The following ANKHD1 variants were observed in gnomAD, a reference collection of about 807,000 sequenced individuals.
ANKHD1 encodes ankyrin repeat and KH domain containing 1.
ANKHD1 carries 31 observed loss-of-function variants against 230.5 expected under a neutral mutation model. The ratio of observed to expected loss-of-function variants is 0.13; its 90% CI spans 0.10 to 0.18. The LOEUF (loss-of-function observed/expected upper bound fraction) is 0.18. Among genes scored for constraint, ANKHD1 ranks in the 10% least tolerant of loss-of-function variants. The pLI, the probability that ANKHD1 is intolerant of heterozygous loss-of-function variation, is 1.00. For synonymous variants in ANKHD1, 1,074 were observed against 1,117.6 expected, an observed-to-expected ratio of 0.96 and a Z score of 0.78; for missense variants, 2,256 against 3,071.3, an observed-to-expected ratio of 0.73 and a Z score of 6.27.
chr5:140,406,098 C>T (rs1770415509), intron 1 of ANKHD1, among the ~76,000 whole-genome samples: 1 of 151,942 alleles, frequency 6.6e-6, no homozygotes, highest in Admixed American at 6.6e-5. Flanking sequence ...ATTAGCCGGG[C>T]TTGGTGGAGG....
chr5:140,461,520 T>C, intron 9 of ANKHD1, among the ~76,000 whole-genome samples: 1 of 152,202 alleles, frequency 6.6e-6, no homozygotes, highest in African/African-American at 2.4e-5. Flanking sequence ...CTTTTTGTTA[T>C]GGCATTTTTT....
rs771171815 is a variant in ANKHD1 at position 140,529,511 on chromosome 5, T to A, written c.6565T>A (p.Ser2189Thr). The change falls in exon 29 of 34, where the codon TCT becomes ACT. Residue 2189 changes from serine to threonine, a missense_variant. Ser to Thr is a moderately conservative substitution (Grantham distance 58). Coordinates refer to ENST00000360839, the MANE Select transcript of ANKHD1 (RefSeq NM_017747.3). ...TTCAGCTGTGAACATTATGAATGGT[T>A]CTCAGATGCACATAAACCCAGCAAA... Reference protein sequence around the residue: ...LSSAVNIMNGSQMHINPANKS... With the variant: ...LSSAVNIMNGTQMHINPANKS... 2.5e-6 allele frequency: 4 copies of A among 1,614,206 alleles called. No homozygotes were observed. In the Admixed American group the frequency reaches 6.7e-5, roughly 27 times the overall value.
chr5:140,440,234 G>A lies in ANKHD1; in HGVS notation c.733G>A (p.Ala245Thr), dbSNP rs1461861412. The change falls in exon 4 of 34, where the codon GCT becomes ACT. Residue 245 changes from alanine to threonine, a missense_variant. Ala to Thr is a moderately conservative substitution (Grantham distance 58). Transcript: ENST00000360839. Reference protein sequence around the residue: ...TEEGESLLCLACSAGYYELAQ... With the variant: ...TEEGESLLCLTCSAGYYELAQ... ...AGAAGGAGAAAGCCTGCTGTGTTTG[G>A]CTTGTTCAGCAGGGTATTATGAATT... 6.2e-7 allele frequency: 1 copy of A among 1,613,038 alleles called. No individual in the cohort carries two copies. The highest frequency in any genetic ancestry group is 2.2e-5 in the East Asian group (1 of 44,782).
At chr5:140,467,407 T>A (rs1776168865) in intron 10 of ANKHD1, among the ~76,000 whole-genome samples, 1 of 152,180 alleles carries the variant, frequency 6.6e-6, no homozygotes, top group African/African-American at 2.4e-5. Context: ...CTTTTCCTCA[T>A]TATAAAAAGC....
chr5:140,427,526 G>A (rs1396833923), intron 1 of ANKHD1, among the ~76,000 whole-genome samples: 56 of 126,110 alleles, frequency 4.4e-4, no homozygotes, highest in African/African-American at 1.1e-3. Flanking sequence ...CCTCCCGGAC[G>A]GGGCGGCTGG....
intron 14 of ANKHD1, among the ~76,000 whole-genome samples, chr5:140,491,907 G>T (rs189983830): frequency 6.6e-6 from 1 of 152,276 alleles, no homozygotes; most frequent in Admixed American, 6.5e-5. Context: ...TTTGAAGGCA[G>T]AAGAAAATTC....
rs891597603 is a variant in ANKHD1, at chr5:140,458,538, C to T, written c.1243-87C>T. ...ATCTTGTCTTTTTTCTTCCTTTTTCCAATCTCTTGCTTTCTTCTCTCCCAC... is the reference window on the plus strand; with the variant it reads ...ATCTTGTCTTTTTTCTTCCTTTTTCTAATCTCTTGCTTTCTTCTCTCCCAC... On this transcript the variant is annotated intron_variant, in intron 7 of 33. Transcript: ENST00000360839. 3.6e-6 allele frequency: 5 copies of T among 1,378,642 alleles called. No individual in the cohort carries two copies. The African/African-American group carries it at 5.8e-5, about 16-fold the overall frequency. The allele number at this position is 1,378,642 out of a possible 1,614,324, so 85.4% of individuals were successfully genotyped here. A position where few individuals can be genotyped will look rare whatever the true frequency, so the allele number is the denominator to read the frequency against.
intron 6 of ANKHD1, among the ~76,000 whole-genome samples, chr5:140,447,623 G>C (rs965722094): frequency 1.3e-5 from 2 of 152,226 alleles, no homozygotes; most frequent in African/African-American, 4.8e-5. Context: ...TTGAGCAAGA[G>C]AGAAATTCAA....
Position 140,506,772 on chromosome 5 carries a change from T to G in ANKHD1, c.3409-63T>G. 1 of 1,584,606 alleles carries G rather than the reference T, an allele frequency of 6.3e-7. No homozygotes were observed. The highest frequency in any genetic ancestry group is 8.5e-7 in the Non-Finnish European group (1 of 1,172,382). Reference sequence around the variant, plus strand: ...GTTATAAGTCCTGTTTCTTTGTGTTTCCTTCATTATAAGTTGAGCCCTTGG... The same window carrying G: ...GTTATAAGTCCTGTTTCTTTGTGTTGCCTTCATTATAAGTTGAGCCCTTGG... On this transcript the variant is annotated intron_variant, in intron 18 of 33. Transcript: ENST00000360839. The surrounding 1 kb of genome is among the most constrained non-coding windows in gnomAD (Gnocchi z 4.7).
chr5:140,485,346 C>T lies in ANKHD1; in HGVS notation c.1998+98C>T. The T allele has an allele frequency of 6.9e-7, 1 of 1,458,844 alleles. No homozygotes were observed. Among genetic ancestry groups the T allele is most frequent in the Admixed American group, 2.5e-5 (1 of 40,230 alleles). 90.4% of individuals were successfully genotyped at this position (1,458,844 alleles called of 1,614,324 possible). A position where few individuals can be genotyped will look rare whatever the true frequency, so the allele number is the denominator to read the frequency against. On this transcript the variant is annotated intron_variant, in intron 12 of 33. Transcript: ENST00000360839. The surrounding 1 kb of genome is among the most constrained non-coding windows in gnomAD (Gnocchi z 4.8). ...CTGAGGCGGGTGGATCACTTGAGCC[C>T]AGGAGTTTGAGACTAGTCTAGGCAA...
intron 24 of ANKHD1, 46 bp from the exon 25 acceptor site, chr5:140,524,020 A>T: frequency 6.6e-7 from 1 of 1,523,954 alleles, no homozygotes; most frequent in Non-Finnish European, 8.7e-7. Flanking sequence ...TCTTTATTTT[A>T]CATTACTGCC....
chr5:140,406,566 T>A (rs1195259020), intron 1 of ANKHD1, among the ~76,000 whole-genome samples: 1 of 151,988 alleles, frequency 6.6e-6, no homozygotes, highest in Non-Finnish European at 1.5e-5. Flanking sequence ...AGTACATTTT[T>A]TTTTTTTTTT....
intron 17 of ANKHD1, 71 bp from the exon 18 acceptor site, chr5:140,505,653 A>G (rs972480192): frequency 4.0e-6 from 6 of 1,516,110 alleles, no homozygotes; most frequent in African/African-American, 2.8e-5. Context: ...AATACTAGAG[A>G]ATTGTAAACA....
At chr5:140,491,351 G>A (rs941380630) in intron 14 of ANKHD1, among the ~76,000 whole-genome samples, 1 of 151,012 alleles carries the variant, frequency 6.6e-6, no homozygotes, top group Non-Finnish European at 1.5e-5. Context: ...TTTTGGTAGA[G>A]ACAGGGTTTT....
intron 24 of ANKHD1, among the ~76,000 whole-genome samples, chr5:140,518,373 G>T (rs1753148906): frequency 6.6e-6 from 1 of 152,042 alleles, no homozygotes; most frequent in African/African-American, 2.4e-5. Flanking sequence ...GGAGGAGCTG[G>T]TACCATTCCT....
At chr5:140,402,865 A>G (rs1198104929) in intron 1 of ANKHD1, among the ~76,000 whole-genome samples, 5 of 152,058 alleles carry the variant, frequency 3.3e-5, no homozygotes, top group Non-Finnish European at 7.4e-5. Flanking sequence ...TAGACAGGAA[A>G]AGGAAGTTCC....
At chr5:140,537,672 A>G in intron 31 of ANKHD1, 83 bp downstream of exon 31, 2 of 1,456,368 alleles carry the variant, frequency 1.4e-6, no homozygotes, top group East Asian at 2.4e-5. Context: ...CTTAGAAAAA[A>G]CAAACAAAAA....
Position 140,506,004 on chromosome 5 carries a change from C to T in ANKHD1, c.3408+135C>T. On this transcript the variant is annotated intron_variant, in intron 18 of 33. Coordinates refer to ENST00000360839, the MANE Select transcript of ANKHD1 (RefSeq NM_017747.3). This position sits in a 1 kb window ranked among gnomAD's most constrained non-coding sequence, Gnocchi z 4.7. ...TGTTTTTCTGAGGCAGGGTCTTGCTCTGTCTCCCAGGCTAGAGTACAGTGG... is the reference window on the plus strand; with the variant it reads ...TGTTTTTCTGAGGCAGGGTCTTGCTTTGTCTCCCAGGCTAGAGTACAGTGG... 2.9e-6 allele frequency: 4 copies of T among 1,401,574 alleles called. No homozygotes were observed. The highest frequency in any genetic ancestry group is 3.8e-6 in the Non-Finnish European group (4 of 1,055,160). The allele number at this position is 1,401,574 out of a possible 1,614,324, so 86.8% of individuals were successfully genotyped here.
At chr5:140,407,945 A>AGC (rs1770607810) in intron 1 of ANKHD1, among the ~76,000 whole-genome samples, 1 of 152,192 alleles carries the variant, frequency 6.6e-6, no homozygotes, top group Admixed American at 6.6e-5. Context: ...GGGAGGCCAA[A>AGC]GCGGATGGAT....
Sources: allele counts gnomAD v4.1 joint callset (sites outside exome capture counted in the v4.1 genomes callset), GRCh38; gene constraint gnomAD v4.1.1; non-coding constraint Gnocchi (gnomAD v3.1); transcripts MANE v1.5; gene names NCBI Gene and HGNC (gene_info 2026-07-23, HGNC 2026-07-21).